LEKR1: variants seen among roughly 807,000 people sequenced by gnomAD.
The protein encoded by LEKR1 is protein LEKR1.
A neutral mutation model predicts 72.4 loss-of-function variants in LEKR1; 59 were observed. That is an observed-to-expected ratio of 0.82 (90% CI 0.66 to 1.01). LEKR1 has a LOEUF of 1.01. Among genes scored for constraint, LEKR1 ranks in the 50% least tolerant of loss-of-function variants. The pLI is 0.00. For missense variants in LEKR1, 728 were observed against 759.2 expected (o/e 0.96, Z 0.48); for synonymous variants, 257 against 263.2 (o/e 0.98, Z 0.23).
At chr3:156,928,038 G>T (rs1724888723) in intron 5 of LEKR1, among the ~76,000 whole-genome samples, 1 of 152,008 alleles carries the variant, frequency 6.6e-6, no homozygotes, top group Non-Finnish European at 1.5e-5. Flanking sequence ...AGTGAAAGAT[G>T]CCAATTTGAA....
At chr3:157,006,224 C>T (rs1018017331) in intron 9 of LEKR1, among the ~76,000 whole-genome samples, 1 of 151,542 alleles carries the variant, frequency 6.6e-6, no homozygotes, top group Non-Finnish European at 1.5e-5. Context: ...CCAGGATGGT[C>T]TCGATCTCCT....
intron 9 of LEKR1, among the ~76,000 whole-genome samples, chr3:157,010,683 A>C (rs942395685): frequency 6.6e-6 from 1 of 152,106 alleles, no homozygotes; most frequent in Non-Finnish European, 1.5e-5. Flanking sequence ...ATCAATAAGC[A>C]TACTTTTGCT....
At chr3:156,943,322 T>C (rs1440009251) in intron 6 of LEKR1, among the ~76,000 whole-genome samples, 2 of 151,878 alleles carry the variant, frequency 1.3e-5, no homozygotes, top group African/African-American at 4.8e-5. Flanking sequence ...TTTGAAAATA[T>C]CTTTGCCAGT....
intron 11 of LEKR1, among the ~76,000 whole-genome samples, chr3:157,025,221 C>T (rs982108941): frequency 3.3e-5 from 5 of 152,032 alleles, no homozygotes; most frequent in African/African-American, 4.8e-5. Flanking sequence ...ATTTCAACAC[C>T]TCAAATATCC....
At chr3:156,900,660 G>C (rs980601979) in intron 3 of LEKR1, among the ~76,000 whole-genome samples, 1 of 152,188 alleles carries the variant, frequency 6.6e-6, no homozygotes, top group Non-Finnish European at 1.5e-5. Context: ...ACTGATAGTA[G>C]AAAAACTGGC....
At chr3:156,899,611 C>CAT (rs1361531672) in intron 3 of LEKR1, among the ~76,000 whole-genome samples, 3 of 123,700 alleles carry the variant, frequency 2.4e-5, no homozygotes, top group Admixed American at 7.9e-5. Context: ...CGTATATATA[C>CAT]ACACATATAT....
intron 7 of LEKR1, chr3:156,980,084 T>A (rs1055755679): frequency 6.6e-6 from 1 of 152,116 alleles, no homozygotes; most frequent in Non-Finnish European, 1.5e-5. Context: ...ACATAGTATA[T>A]CTATAATTAT....
At position 156,938,195 on chromosome 3, in the gene LEKR1, AAGTT is replaced by A. The variant is rs140903546; in HGVS notation, c.560-4333_560-4330del. On this transcript the variant is annotated intron_variant, in intron 5 of 12. Coordinates refer to ENST00000356539, the MANE Select transcript of LEKR1 (RefSeq NM_001004316.3). ...TGTATACAATTGGTAAAATCGGAGT[AAGTT>A]CTGTGGATTTTACCAATGCAATTTT... Among the ~76,000 whole-genome samples, 8 of 152,202 alleles carry A rather than the reference AAGTT, an allele frequency of 5.3e-5. No homozygotes were observed. The East Asian group carries it at 5.8e-4, about 11-fold the overall frequency.
chr3:156,905,576 C>A (rs1722446758), intron 3 of LEKR1, among the ~76,000 whole-genome samples: 1 of 152,084 alleles, frequency 6.6e-6, no homozygotes, highest in African/African-American at 2.4e-5. Flanking sequence ...TTCCATAGCT[C>A]CTGAGAATGG....
chr3:156,829,185 T>C (rs571231978), intron 1 of LEKR1, 101 bp from the exon 2 acceptor site: 1 of 576,606 alleles, frequency 1.7e-6, no homozygotes, highest in African/African-American at 1.9e-5. Flanking sequence ...GAAACAGTTA[T>C]CACCATTCAT....
At chr3:156,950,182 T>C (rs774757706) in intron 6 of LEKR1, among the ~76,000 whole-genome samples, 1 of 151,372 alleles carries the variant, frequency 6.6e-6, no homozygotes, top group Non-Finnish European at 1.5e-5. Flanking sequence ...TTATTTCTTC[T>C]TCTTTATTTG....
chr3:156,980,706 G>C (rs779761064), intron 7 of LEKR1, among the ~76,000 whole-genome samples: 6 of 152,210 alleles, frequency 3.9e-5, no homozygotes, highest in Non-Finnish European at 8.8e-5. Context: ...AGAGGGCACA[G>C]TCTAGGCATA....
chr3:156,902,468 A>C (rs1722130088), intron 3 of LEKR1, among the ~76,000 whole-genome samples: 2 of 152,182 alleles, frequency 1.3e-5, no homozygotes, highest in South Asian at 4.1e-4. Flanking sequence ...AATTTTAATA[A>C]AATTTTAAAT....
intron 11 of LEKR1, among the ~76,000 whole-genome samples, chr3:157,025,274 C>T (rs11716210): frequency 0.3 from 44,890 of 152,076 alleles, 8,462 homozygotes; most frequent in East Asian, 0.6. Context: ...TTAAAATTTT[C>T]CCAACCACTA....
At chr3:156,947,820 T>G (rs114888988) in intron 6 of LEKR1, among the ~76,000 whole-genome samples, 2,443 of 151,348 alleles carry the variant, frequency 0.016, 56 homozygotes, top group African/African-American at 0.057. Context: ...TTTCAGGTGC[T>G]AAGCCCTTTC....
At chr3:156,947,636 C>T (rs1726800289) in intron 6 of LEKR1, among the ~76,000 whole-genome samples, 1 of 151,070 alleles carries the variant, frequency 6.6e-6, no homozygotes, top group African/African-American at 2.4e-5. Context: ...CCTCTCAACT[C>T]ATGATGGGGT....
rs568370884 is a variant in LEKR1 at position 156,869,594 on chromosome 3, T to C, written c.263+16612T>C. ...GTTTTTTTTTCTAATTTCTTGTATA[T>C]TGTGGATATTACTCCCTTGTCAGAC... On this transcript the variant is annotated intron_variant, in intron 3 of 12. Coordinates refer to ENST00000356539, the MANE Select transcript of LEKR1 (RefSeq NM_001004316.3). Among the ~76,000 whole-genome samples, 18 of 152,182 alleles carry C rather than the reference T, an allele frequency of 1.2e-4. No homozygotes were observed. In the East Asian group the frequency reaches 3.3e-3, roughly 28 times the overall value.
At chr3:157,045,164 C>T (rs79376310) in intron 12 of LEKR1, among the ~76,000 whole-genome samples, 176 bp from the exon 13 acceptor site, 4,873 of 152,244 alleles carry the variant, frequency 0.032, 240 homozygotes, top group African/African-American at 0.097. Context: ...TTCTTTCCAC[C>T]ATCACAGATT....
chr3:156,978,282 A>G (rs1248940734), intron 6 of LEKR1, among the ~76,000 whole-genome samples: 1 of 152,236 alleles, frequency 6.6e-6, no homozygotes, highest in Admixed American at 6.5e-5. Flanking sequence ...ATATAGTTTT[A>G]TGTATTTATA....
Sources: allele counts gnomAD v4.1 joint callset (sites outside exome capture counted in the v4.1 genomes callset), GRCh38; gene constraint gnomAD v4.1.1; transcripts MANE v1.5; gene names NCBI Gene and HGNC (gene_info 2026-07-23, HGNC 2026-07-21).